The following PRPF31 variants were observed in gnomAD, a reference collection of about 807,000 sequenced individuals.
PRPF31 encodes U4/U6 small nuclear ribonucleoprotein Prp31.
PRPF31 carries 12 observed loss-of-function variants against 60.4 expected under a neutral mutation model. The observed-to-expected ratio is 0.20, with a 90% CI of 0.13 to 0.32. The LOEUF (loss-of-function observed/expected upper bound fraction) is 0.32, where lower values mean the gene tolerates loss of function less well. PRPF31 is among the 10% of genes least tolerant of loss of function. The probability of loss-of-function intolerance (pLI) is 1.00; values close to 1 mark genes in which losing one functional copy is unlikely to be tolerated. For synonymous variants in PRPF31, 287 were observed against 287.9 expected (o/e 1.00, Z 0.03); for missense variants, 431 against 687.1 (o/e 0.63, Z 4.17).
At chr19:54,118,062 G>A (rs1343294532) in intron 1 of PRPF31, among the ~76,000 whole-genome samples, 6 of 152,150 alleles carry the variant, frequency 3.9e-5, no homozygotes, top group African/African-American at 9.7e-5. Context: ...GCAAGGTGGC[G>A]GTCATAGGGG....
chr19:54,118,771 C>A (rs2073715191), intron 3 of PRPF31, 138 bp downstream of exon 3: 1 of 790,788 alleles, frequency 1.3e-6, no homozygotes, highest in East Asian at 2.6e-5. Flanking sequence ...TTCACCCCAA[C>A]CCGTTCCCTT....
intron 9 of PRPF31, among the ~76,000 whole-genome samples, chr19:54,127,721 C>T (rs1256025573): frequency 1.3e-5 from 2 of 152,220 alleles, no homozygotes; most frequent in African/African-American, 2.4e-5. Context: ...GCCAAGCACC[C>T]GGCCTGGCAC....
At chr19:54,126,716 A>T in intron 9 of PRPF31, 99 bp downstream of exon 9, 2 of 1,213,532 alleles carry the variant, frequency 1.6e-6, no homozygotes, top group East Asian at 5.0e-5. Context: ...CCCAGCGAGC[A>T]CTGTCCTACC....
Position 54,118,323 on chromosome 19 carries a change from A to C in PRPF31, c.45A>C (p.Ala15=). 5 of 1,613,874 alleles carry C rather than the reference A, an allele frequency of 3.1e-6. No homozygotes were observed. The highest frequency in any genetic ancestry group is 4.2e-6 in the Non-Finnish European group (5 of 1,180,020). The part of the protein sequence containing the change: ...DELLADLEEA[A]EEEEGGSYGE... ...TCTTAGCTGATCTCGAAGAGGCAGC[A>C]GAAGAGGAGGAAGGAGGAAGCTATG... Residue 15 remains alanine (A), a synonymous_variant, in exon 2 of 14, where the codon GCA becomes GCC. Coordinates refer to ENST00000321030, the MANE Select transcript of PRPF31 (RefSeq NM_015629.4).
intron 9 of PRPF31, 23 bp downstream of exon 9, chr19:54,126,640 C>A: frequency 1.9e-6 from 3 of 1,605,014 alleles, no homozygotes; most frequent in Non-Finnish European, 1.7e-6. Flanking sequence ...AGGTGAGGGG[C>A]GGCCGGGCGT....
At chr19:54,122,783 C>G in intron 5 of PRPF31, 189 bp downstream of exon 5, 1 of 666,928 alleles carries the variant, frequency 1.5e-6, no homozygotes, top group Non-Finnish European at 2.7e-6. Context: ...TCCCCTCCAA[C>G]CCCAGTCTCC....
intron 8 of PRPF31, among the ~76,000 whole-genome samples, chr19:54,125,495 C>CA (rs144173467): frequency 0.4 from 51,107 of 129,242 alleles, 9,779 homozygotes; most frequent in African/African-American, 0.5. Context: ...GACTCTGTCT[C>CA]AAAAAAAAAA....
At chr19:54,125,065 G>A (rs1056629011) in intron 8 of PRPF31, 6 of 327,364 alleles carry the variant, frequency 1.8e-5, no homozygotes, top group Non-Finnish European at 3.6e-5. Flanking sequence ...AATCCACTGA[G>A]GGCTGCACAT....
chr19:54,126,478 T>C, intron 8 of PRPF31, 50 bp from the exon 9 acceptor site: 1 of 1,562,662 alleles, frequency 6.4e-7, no homozygotes, highest in African/African-American at 1.4e-5. Flanking sequence ...TGCTGTTACC[T>C]CTGTCTGTCT....
At chr19:54,115,901 T>C (rs117358491) in intron 1 of PRPF31, 104 bp downstream of exon 1, 2,834 of 181,368 alleles carry the variant, frequency 0.016, 34 homozygotes, top group Non-Finnish European at 0.023. Flanking sequence ...GTTTTTGTTT[T>C]TTTGTTGTTT....
At chr19:54,117,944 G>A (rs1371169004) in intron 1 of PRPF31, among the ~76,000 whole-genome samples, 1 of 152,082 alleles carries the variant, frequency 6.6e-6, no homozygotes, top group African/African-American at 2.4e-5. Context: ...TGGGAAAGGA[G>A]GGAAACAAAG....
intron 9 of PRPF31, 21 bp from the exon 10 acceptor site, chr19:54,128,052 C>T: frequency 6.5e-7 from 1 of 1,548,390 alleles, no homozygotes; most frequent in Non-Finnish European, 8.7e-7. Flanking sequence ...AGCTGCAGGA[C>T]CTCCCCCTCG....
At chr19:54,126,762 G>A in intron 9 of PRPF31, 145 bp downstream of exon 9, 3 of 850,824 alleles carry the variant, frequency 3.5e-6, no homozygotes, top group South Asian at 1.4e-5. Context: ...CCCTCCCTGG[G>A]GTCAGGCACC....
At chr19:54,127,067 C>G (rs1568596043) in intron 9 of PRPF31, among the ~76,000 whole-genome samples, 1 of 152,178 alleles carries the variant, frequency 6.6e-6, no homozygotes, top group Non-Finnish European at 1.5e-5. Context: ...TTGCAGTGAA[C>G]TGAGATTGCA....
Position 54,115,786 on chromosome 19 carries a change from C to T in PRPF31, c.-20C>T, listed in dbSNP as rs1030540616. On this transcript the variant is annotated 5_prime_UTR_variant, in exon 1 of 14. Transcript: ENST00000321030. Reference sequence around the variant, plus strand: ...GACTAACGCTAGAAACAGTGGTGCGCGGAGAGGAGAGGTGAGTGTGATGGG... The same window carrying T: ...GACTAACGCTAGAAACAGTGGTGCGTGGAGAGGAGAGGTGAGTGTGATGGG... The T allele has an allele frequency of 5.0e-5, 12 of 242,106 alleles. No individual in the cohort carries two copies. The highest frequency in any genetic ancestry group is 8.2e-5 in the Non-Finnish European group (10 of 122,268). 15.0% of individuals were successfully genotyped at this position (242,106 alleles called of 1,614,324 possible).
chr19:54,129,891 T>C (rs1409958785), intron 13 of PRPF31, among the ~76,000 whole-genome samples: 3 of 151,952 alleles, frequency 2.0e-5, no homozygotes, highest in Non-Finnish European at 4.4e-5. Context: ...AGCAGCGAGC[T>C]CATCTGCCCA....
At chr19:54,124,738 C>T in intron 8 of PRPF31, 82 bp downstream of exon 8, 1 of 1,493,190 alleles carries the variant, frequency 6.7e-7, no homozygotes, top group Non-Finnish European at 9.2e-7. Flanking sequence ...AGCCACCCAC[C>T]ATCTGGCCCA....
chr19:54,131,003 T>A (rs772678814), intron 13 of PRPF31, among the ~76,000 whole-genome samples: 2 of 152,166 alleles, frequency 1.3e-5, no homozygotes, highest in Non-Finnish European at 2.9e-5. Context: ...GCCAGCCATG[T>A]CCCCCAGGGA....
In PRPF31 at chr19:54,123,404, G is replaced by T. The variant is rs748400557; in HGVS notation, c.421-50G>T. The stretch of plus-strand genomic sequence containing the variant: ...GAGGTGCTGAGCAAGAGAGGTTCTC[G>T]AGCCTTCCTGAGTTCCCGAGCCTCC... On this transcript the variant is annotated intron_variant, in intron 5 of 13. Coordinates refer to ENST00000321030, the MANE Select transcript of PRPF31 (RefSeq NM_015629.4). The T allele has an allele frequency of 4.2e-6, 6 of 1,425,592 alleles. No homozygotes were observed. The East Asian group carries it at 9.1e-5, about 22-fold the overall frequency. 88.3% of individuals were successfully genotyped at this position (1,425,592 alleles called of 1,614,324 possible).
Sources: gnomAD v4.1 joint callset for allele counts (sites outside exome capture counted in the v4.1 genomes callset) on GRCh38, gnomAD v4.1.1 for gene constraint, MANE v1.5 for transcripts, NCBI Gene and HGNC (gene_info 2026-07-23, HGNC 2026-07-21) for gene names.